The following TNKS2 variants were observed in gnomAD, a reference collection of about 807,000 sequenced individuals.
TNKS2 encodes poly [ADP-ribose] polymerase tankyrase-2.
TNKS2 carries 72 observed loss-of-function variants against 137.6 expected under a neutral mutation model. The observed-to-expected ratio is 0.52, with a 90% confidence interval of 0.43 to 0.64. The LOEUF (loss-of-function observed/expected upper bound fraction) is 0.64. TNKS2 is among the 30% of genes least tolerant of loss of function. The probability of loss-of-function intolerance (pLI) is 0.00; values close to 1 mark genes in which losing one functional copy is unlikely to be tolerated. For missense variants in TNKS2, 1,049 were observed against 1,410.2 expected (o/e 0.74, Z 4.10); for synonymous variants, 516 against 512.1 (o/e 1.01, Z -0.10).
chr10:91,835,285 C>CTTT (rs558797252), intron 12 of TNKS2, among the ~76,000 whole-genome samples: 2 of 140,346 alleles, frequency 1.4e-5, no homozygotes. Flanking sequence ...TCTTTTTTTT[C>CTTT]TTTTTTTTTT....
At chr10:91,801,072 T>A (rs1210976438) in intron 1 of TNKS2, among the ~76,000 whole-genome samples, 2 of 152,218 alleles carry the variant, frequency 1.3e-5, no homozygotes, top group Non-Finnish European at 2.9e-5. Context: ...TTTTAGCTGA[T>A]TAAAGTTTGG....
In TNKS2 at chr10:91,842,183, C is replaced by T. The variant is rs765788638; in HGVS notation, c.1851C>T (p.Asp617=). The change falls in exon 16 of 27, where the codon GAC becomes GAT. Residue 617 remains aspartate, a synonymous_variant. Transcript: ENST00000371627. ...TTTCACATGCCTAGCATGGTGCAGA[C>T]CCTACAAAAAAAAACAGGGATGGAA... ...ICKLLLQHGA[D]PTKKNRDGNT... is the part of the protein sequence containing the mutation. The T allele has an allele frequency of 6.2e-7, 1 of 1,612,874 alleles. No individual in the cohort carries two copies. Among genetic ancestry groups the T allele is most frequent in the Non-Finnish European group, 8.5e-7 (1 of 1,179,396 alleles).
intron 16 of TNKS2, among the ~76,000 whole-genome samples, chr10:91,844,273 A>G (rs1347390863): frequency 1.3e-5 from 2 of 152,168 alleles, no homozygotes; most frequent in African/African-American, 4.8e-5. Context: ...TAGTTTTATA[A>G]TTGTATTCTT....
intron 21 of TNKS2, among the ~76,000 whole-genome samples, chr10:91,854,036 G>A (rs1842632068): frequency 6.6e-6 from 1 of 152,164 alleles, no homozygotes; most frequent in Non-Finnish European, 1.5e-5. Context: ...AAATAGATAT[G>A]ATTATCTTGA....
Position 91,827,075 on chromosome 10 carries a change from C to T in TNKS2, c.854C>T (p.Ala285Val). Residue 285 changes from alanine to valine, a missense_variant, in exon 8 of 27, where the codon GCT (alanine) becomes GTT (valine). Ala to Val is a moderately conservative substitution (Grantham distance 64). Around this residue, in one of 6 missense-constraint regions of TNKS2, gnomAD observed 374 missense variants for 460.8 expected, o/e 0.81. Coordinates refer to ENST00000371627, the MANE Select transcript of TNKS2 (RefSeq NM_025235.4). ...LWQFTPLHEA[A>V]SKNRVEVCSL... is the part of the protein sequence containing the mutation. ...CAATTCACTCCTCTTCATGAGGCAG[C>T]TTCTAAGAACAGGGTTGAAGTATGT... 1.2e-6 allele frequency: 2 copies of T among 1,607,774 alleles called. No homozygotes were observed. Among genetic ancestry groups the T allele is most frequent in the Non-Finnish European group, 1.7e-6 (2 of 1,176,936 alleles).
Position 91,820,126 on chromosome 10 carries a change from A to G in TNKS2, c.728+93A>G, listed in dbSNP as rs976897473. On this transcript the variant is annotated intron_variant, in intron 6 of 26. Transcript: ENST00000371627. ...TTAGAAAAATAATATTTTTTACTAA[A>G]TAACATTAATATATATTGAGCTTTT... 1.0e-5 allele frequency: 8 copies of G among 795,396 alleles called. No individual in the cohort carries two copies. The African/African-American group carries it at 1.3e-4, about 13-fold the overall frequency. 49.3% of individuals were successfully genotyped at this position (795,396 alleles called of 1,614,324 possible).
Position 91,842,381 on chromosome 10 carries a change from A to C in TNKS2, c.2049A>C (p.Leu683Phe). ...RDTQGRHSTPLHLAAGYNNLE... is the reference protein window; with the variant it reads ...RDTQGRHSTPFHLAAGYNNLE... Reference sequence around the variant, plus strand: ...CCCAAGGCAGACATTCAACACCTTTACATTTAGCAGGTAAGTGAATGAAGT... The same window carrying C: ...CCCAAGGCAGACATTCAACACCTTTCCATTTAGCAGGTAAGTGAATGAAGT... Residue 683 changes from leucine (L) to phenylalanine (F), a missense_variant, in exon 16 of 27, where the codon TTA (leucine) becomes TTC (phenylalanine). This residue lies in a region of TNKS2 where 328 missense variants were observed against 436.0 expected (regional missense o/e 0.75). Coordinates refer to ENST00000371627, the MANE Select transcript of TNKS2 (RefSeq NM_025235.4). 6.2e-7 allele frequency: 1 copy of C among 1,613,998 alleles called. No individual in the cohort carries two copies.
At chr10:91,819,453 A>T (rs1844816469) in intron 4 of TNKS2, 29 bp from the exon 5 acceptor site, 1 of 1,547,216 alleles carries the variant, frequency 6.5e-7, no homozygotes. Context: ...TGAAGAATGC[A>T]AATTACTAAT....
intron 1 of TNKS2, among the ~76,000 whole-genome samples, chr10:91,800,033 C>A (rs1328113714): frequency 1.3e-5 from 2 of 152,194 alleles, no homozygotes; most frequent in Admixed American, 6.5e-5. Context: ...TTAACCTGTT[C>A]CAGATTTTAA....
At position 91,863,290 on chromosome 10, in the gene TNKS2, C is replaced by A; in HGVS notation, c.*291C>A. On this transcript the variant is annotated 3_prime_UTR_variant, in exon 27 of 27. Transcript: ENST00000371627. ...TAACTTGAACCTTTTATATGTTATG[C>A]ATTGATTCTAACAAACTGTAATGCC... The A allele has an allele frequency of 3.9e-6, 1 of 255,914 alleles. No homozygotes were observed. Among genetic ancestry groups the A allele is most frequent in the Non-Finnish European group, 7.5e-6 (1 of 134,032 alleles). 15.9% of individuals were successfully genotyped at this position (255,914 alleles called of 1,614,324 possible). A position where few individuals can be genotyped will look rare whatever the true frequency, so the allele number is the denominator to read the frequency against.
intron 24 of TNKS2, among the ~76,000 whole-genome samples, chr10:91,858,328 T>G (rs968062951): frequency 6.6e-6 from 1 of 152,200 alleles, no homozygotes; most frequent in African/African-American, 2.4e-5. Context: ...ATAATTATCA[T>G]GATAATCTCT....
intron 21 of TNKS2, among the ~76,000 whole-genome samples, chr10:91,852,799 T>G (rs1004197066): frequency 1.3e-5 from 2 of 152,196 alleles, no homozygotes; most frequent in South Asian, 2.1e-4. Context: ...TCTAAAAATG[T>G]AGATGATTCA....
At chr10:91,818,859 G>C (rs1406324263) in intron 3 of TNKS2, among the ~76,000 whole-genome samples, 1 of 152,070 alleles carries the variant, frequency 6.6e-6, no homozygotes, top group Non-Finnish European at 1.5e-5. Context: ...CAAAGTTGTA[G>C]ATACATTTTG....
At chr10:91,829,815 G>A (rs1171558566) in intron 9 of TNKS2, among the ~76,000 whole-genome samples, 2 of 152,184 alleles carry the variant, frequency 1.3e-5, no homozygotes, top group East Asian at 3.8e-4. Context: ...GATTTCATGT[G>A]TACTGTGTTT....
At chr10:91,859,119 G>T (rs935497903) in intron 24 of TNKS2, among the ~76,000 whole-genome samples, 4 of 151,762 alleles carry the variant, frequency 2.6e-5, no homozygotes, top group African/African-American at 9.7e-5. Flanking sequence ...ATTTAGCTTT[G>T]CTATCTAAAG....
intron 4 of TNKS2, 84 bp downstream of exon 4, chr10:91,819,390 T>A: frequency 7.0e-7 from 1 of 1,423,000 alleles, no homozygotes; most frequent in Non-Finnish European, 9.4e-7. Flanking sequence ...TAAGCAAACT[T>A]TAAAAAGAAT....
At chr10:91,830,210 C>G (rs1361015477) in intron 9 of TNKS2, among the ~76,000 whole-genome samples, 1 of 152,108 alleles carries the variant, frequency 6.6e-6, no homozygotes, top group Non-Finnish European at 1.5e-5. Flanking sequence ...GATGAGTGTT[C>G]TGTTATTTCC....
intron 16 of TNKS2, among the ~76,000 whole-genome samples, chr10:91,843,164 T>A (rs1755997575): frequency 6.6e-6 from 1 of 152,136 alleles, no homozygotes; most frequent in South Asian, 2.1e-4. Flanking sequence ...GTTGTTTTGG[T>A]TTGTGAGAGT....
At position 91,863,159 on chromosome 10, in the gene TNKS2, C is replaced by A. The variant is rs1200133675; in HGVS notation, c.*160C>A. On this transcript the variant is annotated 3_prime_UTR_variant, in exon 27 of 27. Coordinates refer to ENST00000371627, the MANE Select transcript of TNKS2 (RefSeq NM_025235.4). ...AGTTTAACATTCTGACTTGATAAAG[C>A]TTTAATAATGTACAGTGTTTTCTAA... 1.8e-6 allele frequency: 1 copy of A among 552,892 alleles called. No individual in the cohort carries two copies. The highest frequency in any genetic ancestry group is 1.9e-5 in the African/African-American group (1 of 52,522). 34.2% of individuals were successfully genotyped at this position (552,892 alleles called of 1,614,324 possible).
Sources: gnomAD v4.1 joint callset for allele counts (sites outside exome capture counted in the v4.1 genomes callset) on GRCh38, gnomAD v4.1.1 for gene constraint, gnomAD v4.1.1 regional missense constraint, MANE v1.5 for transcripts, NCBI Gene and HGNC (gene_info 2026-07-23, HGNC 2026-07-21) for gene names.